Variants in LILRB5 observed in about 807,000 individuals in gnomAD.
The protein encoded by LILRB5 is leukocyte immunoglobulin-like receptor subfamily B member 5.
A neutral mutation model predicts 68.4 loss-of-function variants in LILRB5; 61 were observed. The observed-to-expected ratio is 0.89, with a 90% CI of 0.73 to 1.10. LILRB5 has a LOEUF of 1.10. Ranked by LOEUF, LILRB5 falls within the 50% of genes least tolerant of loss-of-function variation. The pLI is 0.00. For synonymous variants in LILRB5, 356 were observed against 315.8 expected, an observed-to-expected ratio of 1.13 and a Z score of -1.35; for missense variants, 771 against 751.6, an observed-to-expected ratio of 1.03 and a Z score of -0.30.
rs760889957 is a variant in LILRB5, at chr19:54,252,107, C to A, written c.1577-1G>T. On this transcript the variant is annotated splice_acceptor_variant, in intron 11 of 12. Transcript: ENST00000449561. LOFTEE classifies it high-confidence loss of function. ...GGCTGTGTGTCCTTCACGGCAGCAT[C>A]TGCTGGGCCAGAGCAAGGGGTTCAT... is the stretch of plus-strand genomic sequence containing the variant. 1 of 1,614,110 alleles carries A rather than the reference C, an allele frequency of 6.2e-7. No individual in the cohort carries two copies. Among genetic ancestry groups the A allele is most frequent in the Non-Finnish European group, 8.5e-7 (1 of 1,179,966 alleles).
chr19:54,256,309 G>A lies in LILRB5; in HGVS notation c.389C>T (p.Pro130Leu), dbSNP rs551105119. ...TCCTCCTGAGGCCACCACAGGACTC[G>A]GCAGGGCTAAAAGAGTGGGTTCTGC... ...FYAEPTLLAL[P>L]SPVVASGGNV... is the part of the protein sequence containing the mutation. Residue 130 changes from proline to leucine, a missense_variant, in exon 4 of 13, where the codon CCG becomes CTG. Physicochemically the swap from Pro to Leu is moderately conservative, Grantham distance 98. Transcript: ENST00000449561. 8.7e-6 allele frequency: 14 copies of A among 1,612,388 alleles called. No individual in the cohort carries two copies. In the South Asian group the frequency reaches 1.2e-4, roughly 14 times the overall value.
At chr19:54,257,115 C>T (rs776825503) in intron 1 of LILRB5, 45 bp downstream of exon 1, 2 of 1,614,028 alleles carry the variant, frequency 1.2e-6, no homozygotes, top group Non-Finnish European at 1.7e-6. Context: ...TTAGAGTGAG[C>T]TCCCTCCAAG....
chr19:54,252,261 C>T (rs917569203), intron 11 of LILRB5, 105 bp downstream of exon 11: 3 of 1,438,734 alleles, frequency 2.1e-6, no homozygotes, highest in East Asian at 4.6e-5. Flanking sequence ...GACCGCCTCC[C>T]CCTTGGCCCC....
chr19:54,252,946 C>A lies in LILRB5; in HGVS notation c.1399G>T (p.Ala467Ser). ...AGGAGGAACAGCAGCAGGACGAAGG[C>A]CACTGAGACCCCAGTCACAACCCCC... is the stretch of plus-strand genomic sequence containing the variant. ...HLGVVTGVSV[A>S]FVLLLFLLLF... Residue 467 changes from alanine (A) to serine (S), a missense_variant, in exon 9 of 13, where the codon GCC becomes TCC. Physicochemically the swap from Ala to Ser is moderately conservative, Grantham distance 99. Transcript: ENST00000449561. The A allele has an allele frequency of 6.3e-7, 1 of 1,578,026 alleles. No individual in the cohort carries two copies. The highest frequency in any genetic ancestry group is 8.6e-7 in the Non-Finnish European group (1 of 1,157,384).
rs746512926 is a variant in LILRB5 at position 54,252,977 on chromosome 19, C to T, written c.1368G>A (p.Arg456=). ...AGACCCCAGTCACAACCCCCAGGTG[C>T]CTTCCCAGACCTTGAGCGTGATGAC... ...TGLDPQSGLG[R]HLGVVTGVSV... is the part of the protein sequence containing the mutation. Residue 456 remains arginine, a synonymous_variant, in exon 9 of 13, where the codon AGG becomes AGA. Coordinates refer to ENST00000449561, the MANE Select transcript of LILRB5 (RefSeq NM_001081442.3). 5 of 1,560,312 alleles carry T rather than the reference C, an allele frequency of 3.2e-6. No homozygotes were observed. The highest frequency in any genetic ancestry group is 4.4e-6 in the Non-Finnish European group (5 of 1,146,650).
At chr19:54,252,824 C>T (rs372295670) in intron 9 of LILRB5, 47 bp downstream of exon 9, 342 of 1,526,196 alleles carry the variant, frequency 2.2e-4, no homozygotes, top group Non-Finnish European at 2.7e-4. Flanking sequence ...GCTGGTGCCC[C>T]GAGCCCACCC....
In LILRB5 at chr19:54,255,017, C is replaced by G. The variant is rs111841445; in HGVS notation, c.973G>C (p.Ala325Pro). ...LIAGLIPDIP[A>P]LSVQPGPKVA... is the part of the protein sequence containing the mutation. The stretch of plus-strand genomic sequence containing the variant: ...TTGGGGCCCGGCTGCACCGAGAGGG[C>G]GGGTATGTCAGGGATCAGTCCTGGA... Residue 325 changes from alanine (A) to proline (P), a missense_variant, in exon 6 of 13, where the codon GCC (alanine) becomes CCC (proline). By Grantham distance (27) the Ala-to-Pro change is conservative. Transcript: ENST00000449561. 1 of 1,609,020 alleles carries G rather than the reference C, an allele frequency of 6.2e-7. No homozygotes were observed. Among genetic ancestry groups the G allele is most frequent in the Non-Finnish European group, 8.5e-7 (1 of 1,177,022 alleles).
rs751336580 is a variant in LILRB5, at chr19:54,255,546, C to T, written c.692G>A (p.Gly231Asp). Residue 231 changes from glycine to aspartate, a missense_variant, in exon 5 of 13, where the codon GGC becomes GAC. Coordinates refer to ENST00000449561, the MANE Select transcript of LILRB5 (RefSeq NM_001081442.3). ...SRKPSLLIPQ[G>D]SVVARGGSLT... ...GCTGCCTCCGCGGGCCACGACAGAGCCCTGCGGGATCAGGAGGGAGGGCTT... is the reference window on the plus strand; with the variant it reads ...GCTGCCTCCGCGGGCCACGACAGAGTCCTGCGGGATCAGGAGGGAGGGCTT... 1 of 1,613,898 alleles carries T rather than the reference C, an allele frequency of 6.2e-7. No homozygotes were observed. Among genetic ancestry groups the T allele is most frequent in the South Asian group, 1.1e-5 (1 of 91,088 alleles).
At position 54,252,393 on chromosome 19, in the gene LILRB5, C is replaced by T. The variant is rs770838304; in HGVS notation, c.1549G>A (p.Val517Ile). The change falls in exon 11 of 13, where the codon GTT (valine) becomes ATT (isoleucine). Residue 517 changes from valine (V) to isoleucine (I), a missense_variant. By Grantham distance (29) the Val-to-Ile change is conservative. Coordinates refer to ENST00000449561, the MANE Select transcript of LILRB5 (RefSeq NM_001081442.3). ...DQGLQKRASP[V>I]ADIQEEILNA... ...AGAATTTCCTCCTGGATGTCAGCAA[C>T]TGGGCTGGCCCTGGGGGAGGACACG... The T allele has an allele frequency of 2.5e-6, 4 of 1,614,152 alleles. No homozygotes were observed. Among genetic ancestry groups the T allele is most frequent in the Non-Finnish European group, 2.5e-6 (3 of 1,180,016 alleles).
In LILRB5 at chr19:54,255,525, C is replaced by T. The variant is rs1423412334; in HGVS notation, c.713G>A (p.Gly238Asp). 1.9e-6 allele frequency: 3 copies of T among 1,613,834 alleles called. No homozygotes were observed. The highest frequency in any genetic ancestry group is 2.2e-5 in the East Asian group (1 of 44,878). The change falls in exon 5 of 13, where the codon GGC (glycine) becomes GAC (aspartate). Residue 238 changes from glycine (G) to aspartate (D), a missense_variant. Coordinates refer to ENST00000449561, the MANE Select transcript of LILRB5 (RefSeq NM_001081442.3). ...AGAGCGACACTGCAGGGTCAGGCTG[C>T]CTCCGCGGGCCACGACAGAGCCCTG... Reference protein sequence around the residue: ...IPQGSVVARGGSLTLQCRSDV... With the variant: ...IPQGSVVARGDSLTLQCRSDV...
At chr19:54,255,659 G>A in intron 4 of LILRB5, 77 bp from the exon 5 acceptor site, 1 of 1,463,324 alleles carries the variant, frequency 6.8e-7, no homozygotes, top group Non-Finnish European at 9.2e-7. Flanking sequence ...TGGCGTCCTG[G>A]CCCTGCAGGT....
rs2078911024 is a variant in LILRB5, at chr19:54,250,659, T to A, written c.*127A>T. 5.1e-6 allele frequency: 6 copies of A among 1,185,208 alleles called. No individual in the cohort carries two copies. Among genetic ancestry groups the A allele is most frequent in the Non-Finnish European group, 7.2e-6 (6 of 834,426 alleles). 73.4% of individuals were successfully genotyped at this position (1,185,208 alleles called of 1,614,324 possible). On this transcript the variant is annotated 3_prime_UTR_variant, in exon 13 of 13. Transcript: ENST00000449561. ...AGTGAGTCCCAGAGTTCCCAGGATG[T>A]CCTGGTGGTCTTTGTTAGGGGTCCA... is the stretch of plus-strand genomic sequence containing the variant.
chr19:54,253,954 C>G lies in LILRB5; in HGVS notation c.1357+64G>C. 3.9e-6 allele frequency: 6 copies of G among 1,554,722 alleles called. No individual in the cohort carries two copies. The South Asian group carries it at 7.1e-5, about 18-fold the overall frequency. On this transcript the variant is annotated intron_variant, in intron 8 of 12. Transcript: ENST00000449561. Reference sequence around the variant, plus strand: ...CCATCTCCAGAGGAGCCTGAACCTACGACAGAACCCACCCCTGCCTCCCCT... The same window carrying G: ...CCATCTCCAGAGGAGCCTGAACCTAGGACAGAACCCACCCCTGCCTCCCCT...
intron 12 of LILRB5, 123 bp from the exon 13 acceptor site, chr19:54,251,055 T>G: frequency 6.3e-7 from 1 of 1,596,344 alleles, no homozygotes. Context: ...CTGTCCTTTG[T>G]GTCCAGGAAT....
At position 54,255,289 on chromosome 19, in the gene LILRB5, C is replaced by T. The variant is rs685497; in HGVS notation, c.949G>A (p.Ala317Thr). 71 of 1,612,832 alleles carry T rather than the reference C, an allele frequency of 4.4e-5. No homozygotes were observed. The highest frequency in any genetic ancestry group is 3.1e-4 in the East Asian group (14 of 44,874). Reference protein sequence around the residue: ...APSDPLDILIAGLIPDIPALS... With the variant: ...APSDPLDILITGLIPDIPALS... ...CTGAACCCGCTGGGCTCCTCACCTGCGATCAGGATGTCCAGGGGGTCGCTG... is the reference window on the plus strand; with the variant it reads ...CTGAACCCGCTGGGCTCCTCACCTGTGATCAGGATGTCCAGGGGGTCGCTG... The change falls in exon 5 of 13, where the codon GCA (alanine) becomes ACA (threonine). Residue 317 changes from alanine (A) to threonine (T), a missense_variant. By Grantham distance (58) the Ala-to-Thr change is moderately conservative (BLOSUM62 0). Transcript: ENST00000449561.
chr19:54,254,516 A>G (rs2079056923), intron 6 of LILRB5, 101 bp from the exon 7 acceptor site: 1 of 1,389,890 alleles, frequency 7.2e-7, no homozygotes, highest in Non-Finnish European at 9.8e-7. Context: ...TCTTCTGCTC[A>G]CCTTTCACCA....
chr19:54,256,092 G>C lies in LILRB5; in HGVS notation c.606C>G (p.Asn202Lys). Reference sequence around the variant, plus strand: ...CACTGGGGTTCGACCACACCTGAGGGTTTTTCCTGTAATAGTAATAGCATC... The same window carrying C: ...CACTGGGGTTCGACCACACCTGAGGCTTTTTCCTGTAATAGTAATAGCATC... ...RFRCYYYYRKNPQVWSNPSDL... is the reference protein window; with the variant it reads ...RFRCYYYYRKKPQVWSNPSDL... Residue 202 changes from asparagine to lysine, a missense_variant, in exon 4 of 13, where the codon AAC becomes AAG. Coordinates refer to ENST00000449561, the MANE Select transcript of LILRB5 (RefSeq NM_001081442.3). The C allele has an allele frequency of 6.3e-7, 1 of 1,587,512 alleles. No individual in the cohort carries two copies. Among genetic ancestry groups the C allele is most frequent in the Non-Finnish European group, 8.6e-7 (1 of 1,167,952 alleles).
Position 54,252,494 on chromosome 19 carries a change from CAGGCCCTGGTCCTT to C in LILRB5, c.1516_1529del (p.Lys506AlafsTer9), listed in dbSNP as rs1369527352. ...TCTTCATGCAGAATTACCTCTTCTGCAGGCCCTGGTCCTTGGGCTCTGGCCCCGCAGCCCCTGCA... is the reference window on the plus strand; with the variant it reads ...TCTTCATGCAGAATTACCTCTTCTGCGGGCTCTGGCCCCGCAGCCCCTGCA... On this transcript the variant is annotated frameshift_variant, in exon 10 of 13. Transcript: ENST00000449561. LOFTEE classifies it high-confidence loss of function. 6.2e-7 allele frequency: 1 copy of C among 1,614,138 alleles called. No homozygotes were observed. The highest frequency in any genetic ancestry group is 8.5e-7 in the Non-Finnish European group (1 of 1,180,020).
At chr19:54,254,121 C>G (rs1381323099) in intron 7 of LILRB5, 53 bp from the exon 8 acceptor site, 1 of 1,560,666 alleles carries the variant, frequency 6.4e-7, no homozygotes, top group South Asian at 1.2e-5. Context: ...CCCACATCAG[C>G]CCGGCTGCTC....
Sources: gnomAD v4.1 joint callset for allele counts on GRCh38, gnomAD v4.1.1 for gene constraint, MANE v1.5 for transcripts, NCBI Gene and HGNC (gene_info 2026-07-23, HGNC 2026-07-21) for gene names.